CLDN18: variants seen among roughly 807,000 people sequenced by gnomAD.
CLDN18 encodes claudin-18.
CLDN18 carries 20 observed loss-of-function variants against 25.0 expected under a neutral mutation model. The observed-to-expected ratio is 0.80, with a 90% CI of 0.56 to 1.16. The LOEUF (loss-of-function observed/expected upper bound fraction) is 1.16, where lower values mean the gene tolerates loss of function less well. Among genes scored for constraint, CLDN18 ranks in the 50% most tolerant of loss-of-function variants. The pLI is 0.00. For synonymous variants in CLDN18, 125 were observed against 135.6 expected (o/e 0.92, Z 0.54); for missense variants, 297 against 345.4 (o/e 0.86, Z 1.11).
chr3:137,999,393 A>C (rs1941991655), intron 1 of CLDN18, among the ~76,000 whole-genome samples: 1 of 152,212 alleles, frequency 6.6e-6, no homozygotes. Flanking sequence ...CCATAGGAAC[A>C]GGACTCAGGA....
chr3:138,024,452 T>C (rs912435692), intron 2 of CLDN18, among the ~76,000 whole-genome samples, 155 bp from the exon 3 acceptor site: 6 of 152,224 alleles, frequency 3.9e-5, no homozygotes, highest in Admixed American at 1.3e-4. Flanking sequence ...TATCACAATA[T>C]TTAGCACATA....
rs1942418558 is a variant in CLDN18, at chr3:138,033,319, G to A, written c.*2178G>A. 6.6e-6 allele frequency: 1 copy of A among 152,240 alleles called. No individual in the cohort carries two copies. The highest frequency in any genetic ancestry group is 3.2e-3 in the Middle Eastern group (1 of 316). The allele number at this position is 152,240 out of a possible 1,614,324, so 9.4% of individuals were successfully genotyped here. On this transcript the variant is annotated 3_prime_UTR_variant, in exon 5 of 5. Coordinates refer to ENST00000183605, the MANE Select transcript of CLDN18 (RefSeq NM_016369.4). ...CAACTAAAGAAAAAAGAAAAGCAAG[G>A]AGGAGGGTTGAGCAATCTAGAGCAT...
chr3:138,016,680 A>T (rs1204213846), intron 1 of CLDN18, among the ~76,000 whole-genome samples: 1 of 152,158 alleles, frequency 6.6e-6, no homozygotes, highest in East Asian at 1.9e-4. Flanking sequence ...GTGAGCTGGA[A>T]TCAAGGGCAC....
At chr3:138,010,019 G>A, upstream of CLDN18, 1 of 827,634 alleles carries the variant, frequency 1.2e-6, no homozygotes. Flanking sequence ...AGTGCCTCTT[G>A]GGCCCGCTTC....
rs751738961 is a variant in CLDN18 at position 138,024,684 on chromosome 3, T to C, written c.463T>C (p.Tyr155His). 10 of 1,613,144 alleles carry C rather than the reference T, an allele frequency of 6.2e-6. No homozygotes were observed. The highest frequency in any genetic ancestry group is 8.5e-6 in the Non-Finnish European group (10 of 1,179,174). Residue 155 changes from tyrosine to histidine, a missense_variant, in exon 3 of 5, where the codon TAC becomes CAC. Transcript: ENST00000183605. The part of the protein sequence containing the change: ...TNFWMSTANM[Y>H]TGMGGMVQTV... ...CTTCTGGATGTCCACAGCTAACATG[T>C]ACACCGGCATGGGTGGGATGGTGCA...
upstream of CLDN18, among the ~76,000 whole-genome samples, chr3:138,008,103 T>C (rs1213852944): frequency 6.6e-6 from 1 of 151,938 alleles, no homozygotes; most frequent in African/African-American, 2.4e-5. Context: ...CTGGGAATAA[T>C]GCAGTGGGAG....
chr3:138,015,424 C>G (rs1043173429), intron 1 of CLDN18, among the ~76,000 whole-genome samples: 3 of 152,174 alleles, frequency 2.0e-5, no homozygotes, highest in African/African-American at 7.2e-5. Flanking sequence ...GATGAAATGC[C>G]TGGAGGGAGA....
chr3:138,031,127 C>A lies in CLDN18; in HGVS notation c.772C>A (p.His258Asn), dbSNP rs1436417931. The A allele has an allele frequency of 1.9e-6, 3 of 1,613,412 alleles. No individual in the cohort carries two copies. Among genetic ancestry groups the A allele is most frequent in the Admixed American group, 3.3e-5 (2 of 59,988 alleles). The part of the protein sequence containing the change: ...EDEVQSYPSK[H>N]DYV ...CGAGGTACAATCTTATCCTTCCAAG[C>A]ACGACTATGTGTAATGCTCTAAGAC... Residue 258 changes from histidine (H) to asparagine (N), a missense_variant, in exon 5 of 5, where the codon CAC becomes AAC. Physicochemically the swap from His to Asn is moderately conservative, Grantham distance 68 (BLOSUM62 1). Transcript: ENST00000183605.
chr3:138,030,654 T>A (rs571661289), intron 4 of CLDN18, among the ~76,000 whole-genome samples: 13 of 152,338 alleles, frequency 8.5e-5, no homozygotes, highest in Non-Finnish European at 7.4e-5. Flanking sequence ...ACTCATTAGT[T>A]ACCGAGGATT....
chr3:138,007,547 T>C (rs995083381), upstream of CLDN18, among the ~76,000 whole-genome samples: 2 of 74,218 alleles, frequency 2.7e-5, no homozygotes, highest in Non-Finnish European at 5.1e-5. Context: ...CTGTCGGGGG[T>C]CGGGGGGGTG....
chr3:138,017,559 A>G (rs1336186520), intron 1 of CLDN18, among the ~76,000 whole-genome samples: 1 of 152,228 alleles, frequency 6.6e-6, no homozygotes, highest in East Asian at 1.9e-4. Context: ...GAGACTTCTC[A>G]TAAGTATCAT....
At chr3:138,000,882 C>T (rs1025770882) in intron 1 of CLDN18, among the ~76,000 whole-genome samples, 4 of 152,228 alleles carry the variant, frequency 2.6e-5, no homozygotes, top group African/African-American at 7.2e-5. Context: ...GCTAGGACCT[C>T]GGTCCATGCA....
chr3:138,008,317 C>T (rs901231340), upstream of CLDN18, among the ~76,000 whole-genome samples: 5 of 151,848 alleles, frequency 3.3e-5, no homozygotes, highest in East Asian at 3.9e-4. Flanking sequence ...AAAATGTCTC[C>T]GGAGGGCTGG....
At chr3:138,023,896 C>T in intron 2 of CLDN18, 74 bp downstream of exon 2, 1 of 1,435,512 alleles carries the variant, frequency 7.0e-7, no homozygotes. Flanking sequence ...AAACATGACT[C>T]CTCCCTACTG....
intron 1 of CLDN18, among the ~76,000 whole-genome samples, chr3:138,019,737 A>G (rs1358404063): frequency 6.6e-6 from 1 of 152,072 alleles, no homozygotes; most frequent in African/African-American, 2.4e-5. Flanking sequence ...GCTCAGGTGC[A>G]GCCTGTGTTG....
At chr3:138,029,740 G>T in intron 3 of CLDN18, 57 bp from the exon 4 acceptor site, 1 of 1,050,546 alleles carries the variant, frequency 9.5e-7, no homozygotes, top group Non-Finnish European at 1.4e-6. Context: ...CAGGTGCAGT[G>T]GGTGGAGCCT....
upstream of CLDN18, among the ~76,000 whole-genome samples, chr3:138,008,794 T>A (rs1199144110): frequency 1.2e-4 from 18 of 151,518 alleles, no homozygotes; most frequent in Non-Finnish European, 2.4e-4. Context: ...GGTGTGGTGG[T>A]ATGCATGTAT....
At chr3:138,015,289 G>T (rs938584963) in intron 1 of CLDN18, among the ~76,000 whole-genome samples, 2 of 152,194 alleles carry the variant, frequency 1.3e-5, no homozygotes, top group Admixed American at 6.5e-5. Context: ...GCTCCTAAAG[G>T]AGCTGGAAGG....
At chr3:138,000,738 C>T (rs1056845763) in intron 1 of CLDN18, among the ~76,000 whole-genome samples, 26 of 152,350 alleles carry the variant, frequency 1.7e-4, no homozygotes, top group African/African-American at 5.8e-4. Flanking sequence ...TCTCCCTCCA[C>T]TAAGGACCAG....
Sources: allele counts gnomAD v4.1 joint callset (sites outside exome capture counted in the v4.1 genomes callset), GRCh38; gene constraint gnomAD v4.1.1; transcripts MANE v1.5; gene names NCBI Gene and HGNC (gene_info 2026-07-23, HGNC 2026-07-21).